GOLM2: variants seen among roughly 807,000 people sequenced by gnomAD.
The protein encoded by GOLM2 is protein GOLM2.
In GOLM2, 26 loss-of-function variants were observed where a neutral mutation model predicts 55.9. The ratio of observed to expected loss-of-function variants is 0.47; its 90% confidence interval spans 0.34 to 0.65. GOLM2 has a LOEUF of 0.65. Ranked by LOEUF, GOLM2 falls within the 30% of genes least tolerant of loss-of-function variation. The probability of loss-of-function intolerance (pLI) is 0.01; values close to 1 mark genes in which losing one functional copy is unlikely to be tolerated. For missense variants in GOLM2, 486 were observed against 531.8 expected (o/e 0.91, Z 0.85); for synonymous variants, 165 against 194.6 (o/e 0.85, Z 1.27).
intron 1 of GOLM2, 107 bp from the exon 2 acceptor site, chr15:44,322,858 C>A: frequency 1.5e-6 from 1 of 669,524 alleles, no homozygotes; most frequent in Non-Finnish European, 2.5e-6. Context: ...AATAAATAAC[C>A]AGAGTTTTTT....
chr15:44,289,404 C>G lies in GOLM2; in HGVS notation c.327+48C>G. The G allele has an allele frequency of 6.6e-7, 1 of 1,516,946 alleles. No individual in the cohort carries two copies. Among genetic ancestry groups the G allele is most frequent in the Non-Finnish European group, 8.9e-7 (1 of 1,122,040 alleles). The allele number at this position is 1,516,946 out of a possible 1,614,324, so 94.0% of individuals were successfully genotyped here. ...CAAACCCCATGGTTTCTTTTCTCCCCGGGGTCTGGGGCGGGATGTTAATCC... is the reference window on the plus strand; with the variant it reads ...CAAACCCCATGGTTTCTTTTCTCCCGGGGGTCTGGGGCGGGATGTTAATCC... On this transcript the variant is annotated intron_variant, in intron 1 of 9. Coordinates refer to ENST00000299957, the MANE Select transcript of GOLM2 (RefSeq NM_138423.4). The surrounding 1 kb of genome is among the most constrained non-coding windows in gnomAD (Gnocchi z 4.8).
In GOLM2 at chr15:44,294,711, CA is replaced by C. The variant is rs1415785686; in HGVS notation, c.327+5372del. 6.1e-3 allele frequency among the ~76,000 whole-genome samples: 286 copies of C among 47,124 alleles called. 1 individual carries two copies. Among genetic ancestry groups the C allele is most frequent in the East Asian group, 9.6e-3 (15 of 1,560 alleles). The allele number at this position is 47,124 out of a possible 152,430, so 30.9% of individuals were successfully genotyped here. A position where few individuals can be genotyped will look rare whatever the true frequency, so the allele number is the denominator to read the frequency against. ...CCTGGAGGACAGCGAGACTCCATCT[CA>C]AAAAAAAAAAAAAAAACACCACCAC... On this transcript the variant is annotated intron_variant, in intron 1 of 9. Transcript: ENST00000299957.
chr15:44,353,218 T>C (rs1480775224), intron 6 of GOLM2, among the ~76,000 whole-genome samples: 1 of 152,138 alleles, frequency 6.6e-6, no homozygotes, highest in Non-Finnish European at 1.5e-5. Context: ...ATGGATTGTA[T>C]CCAAAAGACA....
chr15:44,394,824 G>A (rs973796480), intron 8 of GOLM2, among the ~76,000 whole-genome samples: 1 of 152,152 alleles, frequency 6.6e-6, no homozygotes, highest in African/African-American at 2.4e-5. Flanking sequence ...TGCAAGATCA[G>A]TTGAATGTGT....
At chr15:44,348,060 C>G (rs2079137026) in intron 6 of GOLM2, among the ~76,000 whole-genome samples, 1 of 151,920 alleles carries the variant, frequency 6.6e-6, no homozygotes, top group South Asian at 2.1e-4. Context: ...CACTGGTAAC[C>G]AGATAGGAGA....
At chr15:44,364,115 G>C (rs569420657) in intron 6 of GOLM2, among the ~76,000 whole-genome samples, 3 of 152,100 alleles carry the variant, frequency 2.0e-5, no homozygotes, top group African/African-American at 7.2e-5. Flanking sequence ...AGTGGGTGCC[G>C]CGCACCAGCA....
At chr15:44,413,034 AAT>A (rs1171934273) in intron 9 of GOLM2, among the ~76,000 whole-genome samples, 4 of 152,100 alleles carry the variant, frequency 2.6e-5, no homozygotes, top group African/African-American at 7.2e-5. Flanking sequence ...TTTATATAAA[AAT>A]ATTAACTCCT....
At chr15:44,392,158 C>A (rs1300894016) in intron 8 of GOLM2, among the ~76,000 whole-genome samples, 6 of 151,790 alleles carry the variant, frequency 4.0e-5, no homozygotes, top group East Asian at 1.9e-4. Context: ...CTGGTGAATT[C>A]TTTCAAACAT....
At chr15:44,321,181 G>A (rs1461371429) in intron 1 of GOLM2, among the ~76,000 whole-genome samples, 1 of 152,016 alleles carries the variant, frequency 6.6e-6, no homozygotes, top group South Asian at 2.1e-4. Flanking sequence ...GACTATAACA[G>A]ATTGCATGGG....
intron 8 of GOLM2, among the ~76,000 whole-genome samples, chr15:44,395,846 T>C (rs1595666243): frequency 6.6e-6 from 1 of 151,748 alleles, no homozygotes; most frequent in Non-Finnish European, 1.5e-5. Context: ...CTCAAAAATA[T>C]AATAAAATAA....
chr15:44,333,198 C>G (rs1008087718), intron 4 of GOLM2, among the ~76,000 whole-genome samples: 14 of 152,132 alleles, frequency 9.2e-5, no homozygotes, highest in Non-Finnish European at 1.9e-4. Flanking sequence ...TTCCAAAGTG[C>G]TGAGATTACA....
At chr15:44,353,635 A>G (rs2079178873) in intron 6 of GOLM2, among the ~76,000 whole-genome samples, 1 of 152,190 alleles carries the variant, frequency 6.6e-6, no homozygotes, top group Non-Finnish European at 1.5e-5. Context: ...AACAACATGG[A>G]TGGAACTATG....
intron 9 of GOLM2, chr15:44,409,713 C>A (rs2079623795): frequency 6.7e-6 from 1 of 149,546 alleles, no homozygotes; most frequent in Admixed American, 6.7e-5. Context: ...TCGAGACCAG[C>A]CTAACCAACA....
At chr15:44,295,303 C>T (rs984453940) in intron 1 of GOLM2, among the ~76,000 whole-genome samples, 23 of 152,142 alleles carry the variant, frequency 1.5e-4, no homozygotes, top group African/African-American at 5.6e-4. Context: ...TGGTCTTTAA[C>T]TCCTGACCTC....
chr15:44,329,688 A>G (rs1430876774), intron 3 of GOLM2, among the ~76,000 whole-genome samples: 1 of 152,012 alleles, frequency 6.6e-6, no homozygotes, highest in East Asian at 1.9e-4. Flanking sequence ...ATCTGAGCCC[A>G]GAAGTTAAAA....
intron 6 of GOLM2, among the ~76,000 whole-genome samples, chr15:44,347,131 A>G (rs932371587): frequency 4.0e-5 from 6 of 149,432 alleles, no homozygotes; most frequent in South Asian, 4.2e-4. Flanking sequence ...CTAAACAAAA[A>G]AGAGAGAGAG....
Position 44,321,321 on chromosome 15 carries a change from A to C in GOLM2, c.328-1644A>C, listed in dbSNP as rs139509897. ...ACCTCATCTCTACTAAAAATAAAAA[A>C]ATTAACCTGGCATGGTGGCAAATGC... On this transcript the variant is annotated intron_variant, in intron 1 of 9. Transcript: ENST00000299957. Among the ~76,000 whole-genome samples the C allele has an allele frequency of 7.3e-4, 111 of 152,110 alleles. 3 individuals are homozygous for C. The East Asian group carries it at 0.021, about 28-fold the overall frequency.
At chr15:44,371,791 A>G (rs1017012600) in intron 6 of GOLM2, among the ~76,000 whole-genome samples, 2 of 152,232 alleles carry the variant, frequency 1.3e-5, no homozygotes, top group Non-Finnish European at 2.9e-5. Context: ...ACAGCCGGTC[A>G]ATAAATTGAT....
chr15:44,366,900 G>C (rs2079289825), intron 6 of GOLM2, among the ~76,000 whole-genome samples: 1 of 152,138 alleles, frequency 6.6e-6, no homozygotes. Context: ...AGGAAGCATT[G>C]TGGTTAATAA....
Sources: gnomAD v4.1 joint callset for allele counts (sites outside exome capture counted in the v4.1 genomes callset) on GRCh38, gnomAD v4.1.1 for gene constraint, Gnocchi (gnomAD v3.1) non-coding constraint, MANE v1.5 for transcripts, NCBI Gene and HGNC (gene_info 2026-07-23, HGNC 2026-07-21) for gene names.